The following GREB1 variants were observed in gnomAD, a reference collection of about 807,000 sequenced individuals.
GREB1 encodes the protein growth regulating estrogen receptor binding 1.
A neutral mutation model predicts 200.7 loss-of-function variants in GREB1; 106 were observed. The ratio of observed to expected loss-of-function variants is 0.53; its 90% confidence interval spans 0.45 to 0.62. GREB1 has a LOEUF of 0.62. Ranked by LOEUF, GREB1 falls within the 20% of genes least tolerant of loss-of-function variation. The pLI, the probability that GREB1 is intolerant of heterozygous loss-of-function variation, is 0.00. For synonymous variants in GREB1, 1,132 were observed against 1,092.4 expected, an observed-to-expected ratio of 1.04 and a Z score of -0.72; for missense variants, 2,243 against 2,556.8, an observed-to-expected ratio of 0.88 and a Z score of 2.65.
At chr2:11,508,492 C>T (rs1031553499) in intron 1 of GREB1, among the ~76,000 whole-genome samples, 1 of 152,190 alleles carries the variant, frequency 6.6e-6, no homozygotes, top group Non-Finnish European at 1.5e-5. Flanking sequence ...CTGGCTTTCC[C>T]CCAGTGTGGC....
In GREB1 at chr2:11,592,849, C is replaced by G. The variant is rs762673917; in HGVS notation, c.1419C>G (p.Thr473=). 14 of 1,598,570 alleles carry G rather than the reference C, an allele frequency of 8.8e-6. No homozygotes were observed. The East Asian group carries it at 2.7e-4, about 31-fold the overall frequency. ...GCTCTTGGCGCGAGTCGCACCTGAC[C>G]GAGATCCGGCAGTACCAGCAGGCGC... ...FLRSWRESHL[T]EIRQYQQAPP... Residue 473 remains threonine (T), a synonymous_variant, in exon 11 of 33, where the codon ACC becomes ACG. Transcript: ENST00000381486.
At chr2:11,564,796 A>G (rs1253070133) in intron 3 of GREB1, among the ~76,000 whole-genome samples, 8 of 152,282 alleles carry the variant, frequency 5.3e-5, no homozygotes, top group Admixed American at 5.2e-4. Flanking sequence ...CATACCCAAG[A>G]TTGGGCAATT....
At chr2:11,545,867 T>G (rs1675222127) in intron 1 of GREB1, among the ~76,000 whole-genome samples, 1 of 151,968 alleles carries the variant, frequency 6.6e-6, no homozygotes, top group Non-Finnish European at 1.5e-5. Context: ...ATGTTTGGGG[T>G]TTGTGTCGCT....
At chr2:11,577,741 G>A (rs562227788) in intron 5 of GREB1, among the ~76,000 whole-genome samples, 91 of 152,300 alleles carry the variant, frequency 6.0e-4, no homozygotes, top group Middle Eastern at 3.4e-3. Context: ...CCTCACACCC[G>A]ACTCTTCCTT....
chr2:11,606,758 C>CATCATT (rs573105426), intron 17 of GREB1, among the ~76,000 whole-genome samples: 1 of 143,354 alleles, frequency 7.0e-6, no homozygotes, highest in Non-Finnish European at 1.5e-5. Flanking sequence ...ATTTTAGTTT[C>CATCATT]ATTATTATTA....
chr2:11,611,606 C>A (rs1334362943), intron 18 of GREB1, among the ~76,000 whole-genome samples: 3 of 152,216 alleles, frequency 2.0e-5, no homozygotes, highest in African/African-American at 7.2e-5. Context: ...TGCTTATTTT[C>A]TGCAGCACTT....
At chr2:11,603,838 CTATATT>C (rs1682000348) in intron 17 of GREB1, among the ~76,000 whole-genome samples, 1 of 152,224 alleles carries the variant, frequency 6.6e-6, no homozygotes, top group African/African-American at 2.4e-5. Flanking sequence ...GCTCAGCACT[CTATATT>C]TATTACCTAA....
intron 1 of GREB1, among the ~76,000 whole-genome samples, chr2:11,497,017 G>T (rs548297656): frequency 2.6e-5 from 4 of 152,188 alleles, no homozygotes; most frequent in South Asian, 2.1e-4. Flanking sequence ...GGCTGGTCTT[G>T]AACTCCTGGC....
intron 1 of GREB1, among the ~76,000 whole-genome samples, chr2:11,501,106 T>A (rs1673024878): frequency 6.6e-6 from 1 of 152,180 alleles, no homozygotes; most frequent in African/African-American, 2.4e-5. Flanking sequence ...CAGGGATCCA[T>A]CATCTGGGCA....
At chr2:11,561,626 A>G (rs1191595945) in intron 2 of GREB1, 1 of 152,010 alleles carries the variant, frequency 6.6e-6, no homozygotes, top group Non-Finnish European at 1.5e-5. Context: ...CGGCGTCCCA[A>G]AGTGCTGGGA....
At chr2:11,611,526 AAACTCCTGAGTTCAAGC>A (rs201258740) in intron 18 of GREB1, among the ~76,000 whole-genome samples, 3,386 of 152,152 alleles carry the variant, frequency 0.022, 63 homozygotes, top group Non-Finnish European at 0.032. Context: ...GGCTGATCTC[AAACTCCTGAGTTCAAGC>A]AACCCTCCTG....
Position 11,612,324 on chromosome 2 carries a change from C to T in GREB1, c.3007-171C>T, listed in dbSNP as rs546793081. On this transcript the variant is annotated intron_variant, in intron 18 of 32. Transcript: ENST00000381486. ...TCCATGTTCTAGCCGACTGAAAATA[C>T]GGTGGCCAAGTGGATGGTGTGCTTA... 2.7e-4 allele frequency: 364 copies of T among 1,349,918 alleles called. 3 individuals are homozygous for T. In the South Asian group the frequency reaches 4.9e-3, roughly 18 times the overall value. The allele number at this position is 1,349,918 out of a possible 1,614,324, so 83.6% of individuals were successfully genotyped here.
intron 25 of GREB1, 138 bp downstream of exon 25, chr2:11,627,242 G>C (rs1684540615): frequency 1.4e-6 from 1 of 716,284 alleles, no homozygotes; most frequent in Non-Finnish European, 2.2e-6. Context: ...TGCATCCTCT[G>C]TTCCCTTCAA....
chr2:11,500,561 C>T (rs1322545333), intron 1 of GREB1, among the ~76,000 whole-genome samples: 3 of 152,030 alleles, frequency 2.0e-5, no homozygotes, highest in African/African-American at 7.3e-5. Context: ...GCCTTGGCAT[C>T]CCAGCTGGGA....
At chr2:11,549,239 CT>C (rs532520054) in intron 1 of GREB1, among the ~76,000 whole-genome samples, 7 of 152,042 alleles carry the variant, frequency 4.6e-5, no homozygotes, top group Non-Finnish European at 8.8e-5. Context: ...TTCCAGTTGT[CT>C]TTTTTTCCCC....
intron 7 of GREB1, among the ~76,000 whole-genome samples, chr2:11,582,692 G>A (rs972451087): frequency 6.6e-6 from 1 of 152,254 alleles, no homozygotes; most frequent in South Asian, 2.1e-4. Flanking sequence ...ACCAGCTGCT[G>A]GGGAGCTCCG....
intron 11 of GREB1, among the ~76,000 whole-genome samples, chr2:11,593,900 C>T (rs746036561): frequency 6.6e-5 from 10 of 152,194 alleles, no homozygotes; most frequent in Non-Finnish European, 1.3e-4. Context: ...GAGGCAGACA[C>T]CAAACACGTG....
intron 10 of GREB1, among the ~76,000 whole-genome samples, chr2:11,590,320 T>C (rs1218633769): frequency 1.3e-5 from 2 of 152,202 alleles, no homozygotes; most frequent in African/African-American, 2.4e-5. Flanking sequence ...TGGACTCCGA[T>C]TGCATCTCTT....
chr2:11,533,087 T>A (rs575533438), upstream of GREB1, among the ~76,000 whole-genome samples: 1 of 152,190 alleles, frequency 6.6e-6, no homozygotes, highest in South Asian at 2.1e-4. Flanking sequence ...GGGAGAGAAA[T>A]GCAAGAAGAG....
Sources: allele counts gnomAD v4.1 joint callset (sites outside exome capture counted in the v4.1 genomes callset), GRCh38; gene constraint gnomAD v4.1.1; transcripts MANE v1.5; gene names NCBI Gene and HGNC (gene_info 2026-07-23, HGNC 2026-07-21).